Variants in GPM6A observed in about 807,000 individuals in gnomAD.
The protein encoded by GPM6A is neuronal membrane glycoprotein M6-a.
GPM6A carries 7 observed loss-of-function variants against 32.1 expected under a neutral mutation model. The observed-to-expected ratio is 0.22, with a 90% CI of 0.12 to 0.41. The LOEUF is 0.41. GPM6A is among the 10% of genes least tolerant of loss of function. The probability of loss-of-function intolerance (pLI) is 1.00; values close to 1 mark genes in which losing one functional copy is unlikely to be tolerated. For synonymous variants in GPM6A, 130 were observed against 123.4 expected, an observed-to-expected ratio of 1.05 and a Z score of -0.35; for missense variants, 235 against 347.2, an observed-to-expected ratio of 0.68 and a Z score of 2.57.
At chr4:175,665,267 A>G (rs1351813577) in intron 3 of GPM6A, among the ~76,000 whole-genome samples, 1 of 151,864 alleles carries the variant, frequency 6.6e-6, no homozygotes, top group Non-Finnish European at 1.5e-5. Flanking sequence ...ATCAATATGT[A>G]TAGCATGCAT....
chr4:175,710,001 C>T (rs1001869720), intron 1 of GPM6A, among the ~76,000 whole-genome samples: 2 of 152,072 alleles, frequency 1.3e-5, no homozygotes, highest in African/African-American at 4.8e-5. Flanking sequence ...GAAAGAGTCA[C>T]TTGCCTCCCC....
At chr4:175,742,719 A>G (rs10520306) in intron 1 of GPM6A, among the ~76,000 whole-genome samples, 8,090 of 152,232 alleles carry the variant, frequency 0.053, 377 homozygotes, top group East Asian at 0.27. Context: ...CATACACAAG[A>G]GCAGAAGTGA....
At chr4:175,763,549 C>A (rs1732839509) in intron 1 of GPM6A, among the ~76,000 whole-genome samples, 2 of 152,028 alleles carry the variant, frequency 1.3e-5, no homozygotes, top group Non-Finnish European at 2.9e-5. Context: ...AGGTCAAATT[C>A]TTTTATGTAA....
At chr4:175,940,560 A>G (rs1487036155) in intron 1 of GPM6A, among the ~76,000 whole-genome samples, 1 of 152,144 alleles carries the variant, frequency 6.6e-6, no homozygotes, top group Non-Finnish European at 1.5e-5. Flanking sequence ...AAATTATAGT[A>G]AAAGTGAATA....
At chr4:175,773,636 T>G (rs1268057276) in intron 1 of GPM6A, among the ~76,000 whole-genome samples, 2 of 152,316 alleles carry the variant, frequency 1.3e-5, no homozygotes, top group East Asian at 3.9e-4. Context: ...TTATTTGTAT[T>G]CTTTAGTAAA....
chr4:175,873,740 T>G lies in GPM6A; in HGVS notation c.-22-61491A>C, dbSNP rs569478986. Among the ~76,000 whole-genome samples the G allele has an allele frequency of 2.0e-5, 3 of 152,294 alleles. No homozygotes were observed. In the South Asian group the frequency reaches 6.2e-4, roughly 32 times the overall value. ...TTAAAAGAGATAACAATATGTAAAA[T>G]TATCTCTTGGTCTCCTCACTATTAC... On this transcript the variant is annotated intron_variant, in intron 1 of 7. Coordinates refer to the GPM6A transcript ENST00000280187.
chr4:175,670,494 C>T (rs572529483), intron 3 of GPM6A, among the ~76,000 whole-genome samples: 2 of 152,244 alleles, frequency 1.3e-5, no homozygotes, highest in South Asian at 4.1e-4. Context: ...AATACTTCTA[C>T]ATTAAACTTA....
chr4:175,670,971 C>T (rs1267226633), intron 3 of GPM6A, among the ~76,000 whole-genome samples: 1 of 149,892 alleles, frequency 6.7e-6, no homozygotes. Flanking sequence ...TCAAGCGATT[C>T]TCCTGCCTCA....
chr4:175,887,502 C>T (rs116827650), intron 1 of GPM6A, among the ~76,000 whole-genome samples: 1,714 of 151,542 alleles, frequency 0.011, 19 homozygotes, highest in South Asian at 0.036. Context: ...CTTAAAAGAA[C>T]AAAATACAAG....
chr4:175,869,559 C>T (rs931698134), intron 1 of GPM6A, among the ~76,000 whole-genome samples: 3 of 152,034 alleles, frequency 2.0e-5, no homozygotes, highest in Admixed American at 2.0e-4. Flanking sequence ...GAGTTCCAGA[C>T]CAGCCTGACC....
At chr4:175,979,928 G>C (rs1740773066) in intron 1 of GPM6A, among the ~76,000 whole-genome samples, 1 of 152,026 alleles carries the variant, frequency 6.6e-6, no homozygotes, top group Admixed American at 6.6e-5. Flanking sequence ...ATACTGATCT[G>C]GTTTACTATT....
chr4:175,902,645 C>A (rs1222106244), intron 1 of GPM6A, among the ~76,000 whole-genome samples: 1 of 152,074 alleles, frequency 6.6e-6, no homozygotes, highest in East Asian at 1.9e-4. Context: ...TCCGACCAAT[C>A]TTGTTTGCCC....
chr4:175,913,301 G>GCGTATATATTCATGTGTTTTAATA (rs1738381010), intron 1 of GPM6A, among the ~76,000 whole-genome samples: 1 of 152,162 alleles, frequency 6.6e-6, no homozygotes, highest in African/African-American at 2.4e-5. Context: ...TTGTGTCTAT[G>GCGTATATATTCATGTGTTTTAATA]CGTATATATT....
chr4:175,770,703 T>A (rs1282410184), intron 1 of GPM6A, among the ~76,000 whole-genome samples: 1 of 152,178 alleles, frequency 6.6e-6, no homozygotes, highest in Non-Finnish European at 1.5e-5. Flanking sequence ...CCAGCCCTGA[T>A]CTTGCTGCCT....
At chr4:175,672,791 AC>A (rs759661190) in intron 3 of GPM6A, among the ~76,000 whole-genome samples, 1 of 152,178 alleles carries the variant, frequency 6.6e-6, no homozygotes, top group Non-Finnish European at 1.5e-5. Flanking sequence ...CACTACAAAT[AC>A]CCACAACTCA....
chr4:175,926,467 T>C (rs1428762981), intron 1 of GPM6A, among the ~76,000 whole-genome samples: 1 of 152,202 alleles, frequency 6.6e-6, no homozygotes, highest in African/African-American at 2.4e-5. Context: ...ACTGGATAAT[T>C]TTATACTCTG....
chr4:175,804,505 C>T (rs1351206707), intron 1 of GPM6A, among the ~76,000 whole-genome samples: 3 of 151,874 alleles, frequency 2.0e-5, no homozygotes, highest in East Asian at 1.9e-4. Flanking sequence ...ATAGTGTGAC[C>T]GTAAAGTCAA....
At chr4:175,642,902 CT>C (rs1476798687) in intron 4 of GPM6A, among the ~76,000 whole-genome samples, 2 of 152,138 alleles carry the variant, frequency 1.3e-5, no homozygotes, top group East Asian at 3.9e-4. Context: ...AAAAAAACTT[CT>C]GCTCTTCTCC....
intron 1 of GPM6A, among the ~76,000 whole-genome samples, chr4:175,829,631 A>C (rs929488786): frequency 1.1e-4 from 16 of 141,900 alleles, no homozygotes; most frequent in Non-Finnish European, 2.1e-4. Context: ...AAAACTACCA[A>C]AATAAGTCAT....
Sources: gnomAD v4.1 joint callset for allele counts (sites outside exome capture counted in the v4.1 genomes callset) on GRCh38, gnomAD v4.1.1 for gene constraint, MANE v1.5 for transcripts, NCBI Gene and HGNC (gene_info 2026-07-23, HGNC 2026-07-21) for gene names.